AUNIP: variants seen among roughly 807,000 people sequenced by gnomAD.
The protein encoded by AUNIP is aurora kinase A and ninein interacting protein, also known as aurora kinase A- and ninein-interacting protein.
In AUNIP, 16 loss-of-function variants were observed where a neutral mutation model predicts 12.2. That is an observed-to-expected ratio of 1.31 (90% CI 0.88 to 1.99). The LOEUF (loss-of-function observed/expected upper bound fraction) is 1.99, where lower values mean the gene tolerates loss of function less well. Among genes scored for constraint, AUNIP ranks in the 30% most tolerant of loss-of-function variants. AUNIP has a pLI of 0.00. For synonymous variants in AUNIP, 142 were observed against 154.8 expected, an observed-to-expected ratio of 0.92 and a Z score of 0.61; for missense variants, 411 against 419.1, an observed-to-expected ratio of 0.98 and a Z score of 0.17.
intron 1 of AUNIP, among the ~76,000 whole-genome samples, chr1:25,840,281 AAAT>A (rs1467366007): frequency 6.6e-6 from 1 of 152,190 alleles, no homozygotes; most frequent in Admixed American, 6.5e-5. Context: ...CTACAGAAGA[AAAT>A]AACAGTGAAC....
At chr1:25,838,512 A>AC (rs1470135036) in intron 1 of AUNIP, among the ~76,000 whole-genome samples, 1 of 152,196 alleles carries the variant, frequency 6.6e-6, no homozygotes, top group Admixed American at 6.5e-5. Context: ...CAAAAAAAAA[A>AC]AAGGAAAAAA....
At chr1:25,836,051 A>G (rs1272789589) in intron 2 of AUNIP, among the ~76,000 whole-genome samples, 1 of 152,198 alleles carries the variant, frequency 6.6e-6, no homozygotes, top group Non-Finnish European at 1.5e-5. Context: ...CAGATCTTAT[A>G]TTCCCTACTC....
At chr1:25,832,265 G>GA, downstream of AUNIP, 1 of 1,229,930 alleles carries the variant, frequency 8.1e-7, no homozygotes, top group Non-Finnish European at 1.1e-6. Flanking sequence ...CGTGTAGAAT[G>GA]AAGTATCTTA....
At chr1:25,833,979 G>A, downstream of AUNIP, 2 of 945,120 alleles carry the variant, frequency 2.1e-6, no homozygotes, top group Non-Finnish European at 2.5e-6. Flanking sequence ...AATTGGTAAT[G>A]GTTTAATTAC....
At chr1:25,858,166 C>T (rs2048478018) in intron 1 of AUNIP, among the ~76,000 whole-genome samples, 2 of 151,914 alleles carry the variant, frequency 1.3e-5, no homozygotes, top group South Asian at 4.1e-4. Context: ...GACTCCATCT[C>T]AAAAAATAAT....
chr1:25,844,078 AAG>A (rs2048365639), intron 1 of AUNIP, among the ~76,000 whole-genome samples: 1 of 152,148 alleles, frequency 6.6e-6, no homozygotes, highest in South Asian at 2.1e-4. Context: ...CCATGAAAGG[AAG>A]AGTCATCGAG....
intron 1 of AUNIP, among the ~76,000 whole-genome samples, chr1:25,856,363 CA>C (rs112639785): frequency 3.3e-4 from 43 of 128,478 alleles, no homozygotes; most frequent in Admixed American, 4.9e-4. Flanking sequence ...GACTCCATCT[CA>C]AAAAAAAAAA....
chr1:25,842,915 T>C (rs2048355493), intron 1 of AUNIP, among the ~76,000 whole-genome samples: 1 of 152,138 alleles, frequency 6.6e-6, no homozygotes, highest in South Asian at 2.1e-4. Context: ...GCACAGTGGC[T>C]CACACCTGTA....
At chr1:25,853,599 A>C (rs2048438553) in intron 1 of AUNIP, among the ~76,000 whole-genome samples, 1 of 152,002 alleles carries the variant, frequency 6.6e-6, no homozygotes, top group Non-Finnish European at 1.5e-5. Context: ...TGTCTCAAAA[A>C]ACAAACAAAC....
chr1:25,857,857 C>T (rs1251897359), intron 1 of AUNIP, among the ~76,000 whole-genome samples: 1 of 151,496 alleles, frequency 6.6e-6, no homozygotes, highest in Non-Finnish European at 1.5e-5. Context: ...GAGTGAAACT[C>T]CATCTCAAAA....
chr1:25,832,178 T>G (rs530869193), downstream of AUNIP: 1 of 1,543,754 alleles, frequency 6.5e-7, no homozygotes, highest in Admixed American at 2.0e-5. Flanking sequence ...AAGAGCTGGA[T>G]TATATATTTC....
In AUNIP at chr1:25,834,698, TG is replaced by T. The variant is rs2048285306; in HGVS notation, c.*294del. Reference sequence around the variant, plus strand: ...GGCAAAGAGATGGCTCTGTGCAGGCTGAGTAAAAGGCACTTTCATAGAGATA... The same window carrying T: ...GGCAAAGAGATGGCTCTGTGCAGGCTAGTAAAAGGCACTTTCATAGAGATA... On this transcript the variant is annotated 3_prime_UTR_variant, in exon 3 of 3. Coordinates refer to ENST00000374298, the MANE Select transcript of AUNIP (RefSeq NM_024037.3). 1 of 1,170,396 alleles carries T rather than the reference TG, an allele frequency of 8.5e-7. No individual in the cohort carries two copies. The highest frequency in any genetic ancestry group is 1.1e-6 in the Non-Finnish European group (1 of 946,210). The allele number at this position is 1,170,396 out of a possible 1,614,324, so 72.5% of individuals were successfully genotyped here. A position where few individuals can be genotyped will look rare whatever the true frequency, so the allele number is the denominator to read the frequency against.
At chr1:25,840,631 C>G (rs532362418) in intron 1 of AUNIP, among the ~76,000 whole-genome samples, 41 of 152,264 alleles carry the variant, frequency 2.7e-4, no homozygotes, top group Admixed American at 2.2e-3. Context: ...TACTTTATGA[C>G]TACTTTGAAC....
Position 25,853,108 on chromosome 1 carries a change from T to C in AUNIP, c.78+6172A>G, listed in dbSNP as rs2048435074. Among the ~76,000 whole-genome samples, 2 of 151,476 alleles carry C rather than the reference T, an allele frequency of 1.3e-5. 1 individual carries two copies. The highest frequency in any genetic ancestry group is 4.1e-4 in the South Asian group (2 of 4,836). On this transcript the variant is annotated intron_variant, in intron 1 of 2. Transcript: ENST00000374298. Reference sequence around the variant, plus strand: ...GACTATGTATTCTGCTGTTGTTGGGTAGACTGTTCTATATTTTTGTCTGTT... The same window carrying C: ...GACTATGTATTCTGCTGTTGTTGGGCAGACTGTTCTATATTTTTGTCTGTT...
chr1:25,833,615 C>G (rs1273722740), downstream of AUNIP, among the ~76,000 whole-genome samples: 1 of 151,866 alleles, frequency 6.6e-6, no homozygotes, highest in Non-Finnish European at 1.5e-5. Context: ...ATTAGCTGGG[C>G]ATGGTGGCAT....
chr1:25,858,399 G>A (rs1005875336), intron 1 of AUNIP, among the ~76,000 whole-genome samples: 25 of 152,150 alleles, frequency 1.6e-4, no homozygotes, highest in Non-Finnish European at 3.4e-4. Flanking sequence ...CAACCTGAGA[G>A]CAAGAATCTT....
Position 25,834,838 on chromosome 1 carries a change from T to C in AUNIP, c.*155A>G, listed in dbSNP as rs1376926108. On this transcript the variant is annotated 3_prime_UTR_variant, in exon 3 of 3. Transcript: ENST00000374298. Reference sequence around the variant, plus strand: ...AATCCCACTGTCTTAACAATGGTACTGCCCTTTATTTACACAGAGAAGATG... The same window carrying C: ...AATCCCACTGTCTTAACAATGGTACCGCCCTTTATTTACACAGAGAAGATG... 5 of 1,468,840 alleles carry C rather than the reference T, an allele frequency of 3.4e-6. No homozygotes were observed. The African/African-American group carries it at 5.6e-5, about 17-fold the overall frequency. The allele number at this position is 1,468,840 out of a possible 1,614,324, so 91.0% of individuals were successfully genotyped here.
At chr1:25,832,510 T>C (rs890594994), downstream of AUNIP, 7 of 268,626 alleles carry the variant, frequency 2.6e-5, no homozygotes, top group Admixed American at 3.2e-4. Context: ...TGCTCCGTCA[T>C]AAACCTACAC....
rs146112536 is a variant in AUNIP at position 25,849,426 on chromosome 1, C to T, written c.78+9854G>A. Among the ~76,000 whole-genome samples the T allele has an allele frequency of 1.9e-3, 291 of 152,290 alleles. 1 individual carries two copies. The highest frequency in any genetic ancestry group is 6.6e-3 in the African/African-American group (276 of 41,546). ...GCAGTCATTCCTCATTCCCATCCCACCCCAGGCCCAGAAAATCACTTACTT... is the reference window on the plus strand; with the variant it reads ...GCAGTCATTCCTCATTCCCATCCCATCCCAGGCCCAGAAAATCACTTACTT... On this transcript the variant is annotated intron_variant, in intron 1 of 2. Coordinates refer to ENST00000374298, the MANE Select transcript of AUNIP (RefSeq NM_024037.3).
Sources: gnomAD v4.1 joint callset for allele counts (sites outside exome capture counted in the v4.1 genomes callset) on GRCh38, gnomAD v4.1.1 for gene constraint, MANE v1.5 for transcripts, NCBI Gene and HGNC (gene_info 2026-07-23, HGNC 2026-07-21) for gene names.